MED27: variants seen among roughly 807,000 people sequenced by gnomAD.
The protein encoded by MED27 is mediator of RNA polymerase II transcription subunit 27.
In MED27, 30 loss-of-function variants were observed where a neutral mutation model predicts 38.2. That is an observed-to-expected ratio of 0.79 (90% CI 0.59 to 1.07). MED27 has a LOEUF of 1.07. Among genes scored for constraint, MED27 ranks in the 50% least tolerant of loss-of-function variants. The pLI, the probability that MED27 is intolerant of heterozygous loss-of-function variation, is 0.00. For synonymous variants in MED27, 122 were observed against 153.5 expected, an observed-to-expected ratio of 0.79 and a Z score of 1.52; for missense variants, 289 against 397.5, an observed-to-expected ratio of 0.73 and a Z score of 2.32.
At chr9:131,989,671 C>T (rs537915197) in intron 3 of MED27, among the ~76,000 whole-genome samples, 2 of 151,930 alleles carry the variant, frequency 1.3e-5, no homozygotes, top group African/African-American at 2.4e-5. Flanking sequence ...AATGTTCGAA[C>T]ATACCCAAGA....
At chr9:131,953,825 T>C (rs2130988501) in intron 3 of MED27, among the ~76,000 whole-genome samples, 1 of 151,236 alleles carries the variant, frequency 6.6e-6, no homozygotes, top group East Asian at 1.9e-4. Context: ...TATCTTTTTT[T>C]TTTTTTTTTG....
chr9:131,980,072 A>C (rs1358380234), intron 3 of MED27, among the ~76,000 whole-genome samples: 4 of 152,012 alleles, frequency 2.6e-5, no homozygotes, highest in Non-Finnish European at 5.9e-5. Context: ...GAAAATTGTT[A>C]TTTCTTGGGG....
intron 3 of MED27, among the ~76,000 whole-genome samples, chr9:131,978,893 T>C (rs4564007): frequency 0.58 from 87,678 of 152,120 alleles, 26,724 homozygotes; most frequent in Non-Finnish European, 0.67. Context: ...GAAAATTTCC[T>C]TGCTGTCTAT....
At chr9:132,039,132 G>A (rs547580171) in intron 2 of MED27, among the ~76,000 whole-genome samples, 5 of 152,326 alleles carry the variant, frequency 3.3e-5, no homozygotes, top group African/African-American at 1.2e-4. Context: ...GGAATAAAGA[G>A]TTAACGATTT....
intron 2 of MED27, among the ~76,000 whole-genome samples, chr9:132,061,209 A>G (rs756597478): frequency 2.0e-5 from 3 of 152,170 alleles, no homozygotes; most frequent in Non-Finnish European, 4.4e-5. Context: ...AAGTTCTCCA[A>G]ATGAAAAGTA....
intron 4 of MED27, among the ~76,000 whole-genome samples, chr9:131,922,789 T>C (rs1476249487): frequency 6.6e-6 from 1 of 152,154 alleles, no homozygotes; most frequent in Non-Finnish European, 1.5e-5. Context: ...AATTTTTGTA[T>C]GTTTAGTAGA....
intron 6 of MED27, among the ~76,000 whole-genome samples, chr9:131,865,147 G>A (rs777821015): frequency 3.9e-5 from 6 of 152,314 alleles, no homozygotes; most frequent in Middle Eastern, 3.4e-3. Flanking sequence ...TACATCAACG[G>A]TTCTTGTAGC....
intron 2 of MED27, among the ~76,000 whole-genome samples, chr9:132,064,309 G>A (rs112589393): frequency 0.021 from 3,214 of 152,232 alleles, 110 homozygotes; most frequent in African/African-American, 0.068. Context: ...TCTCATGCAC[G>A]GGCAAAATCG....
intron 2 of MED27, among the ~76,000 whole-genome samples, chr9:132,033,822 C>A (rs942362214): frequency 1.3e-5 from 2 of 152,244 alleles, no homozygotes; most frequent in African/African-American, 4.8e-5. Flanking sequence ...ACCTCCCTAA[C>A]ACAAGAATCC....
chr9:131,996,677 A>G (rs796247089), intron 3 of MED27, among the ~76,000 whole-genome samples: 7 of 152,324 alleles, frequency 4.6e-5, no homozygotes, highest in African/African-American at 1.7e-4. Flanking sequence ...CTTGAACAAC[A>G]TGAGTTTGAA....
chr9:131,938,401 C>A (rs1830720642), intron 4 of MED27, among the ~76,000 whole-genome samples: 1 of 152,206 alleles, frequency 6.6e-6, no homozygotes, highest in Non-Finnish European at 1.5e-5. Context: ...CCTCAAAAAT[C>A]TGTGTTCAGG....
At chr9:131,972,145 T>C (rs1421248218) in intron 3 of MED27, among the ~76,000 whole-genome samples, 4 of 152,250 alleles carry the variant, frequency 2.6e-5, no homozygotes, top group African/African-American at 7.2e-5. Context: ...TATGAGAGGT[T>C]TGAAGCAATG....
At chr9:131,908,986 TG>T (rs1365854923) in intron 4 of MED27, among the ~76,000 whole-genome samples, 1 of 152,142 alleles carries the variant, frequency 6.6e-6, no homozygotes, top group African/African-American at 2.4e-5. Context: ...GGAGTTGCTC[TG>T]GTTCAAATGC....
intron 3 of MED27, among the ~76,000 whole-genome samples, chr9:131,981,680 T>C (rs1224484629): frequency 6.6e-6 from 1 of 152,170 alleles, no homozygotes; most frequent in Admixed American, 6.5e-5. Flanking sequence ...TCAACACAAT[T>C]GCAGAGCAAA....
At chr9:131,965,714 G>T (rs539232559) in intron 3 of MED27, among the ~76,000 whole-genome samples, 69 of 152,088 alleles carry the variant, frequency 4.5e-4, no homozygotes, top group African/African-American at 1.4e-3. Context: ...AAAGTCCTGG[G>T]ATACCTTATG....
intron 4 of MED27, among the ~76,000 whole-genome samples, chr9:131,896,724 A>G (rs971573129): frequency 6.6e-6 from 1 of 151,852 alleles, no homozygotes; most frequent in Non-Finnish European, 1.5e-5. Flanking sequence ...CTATATATAT[A>G]TATTTTCTTT....
At chr9:131,967,585 G>A (rs977053159) in intron 3 of MED27, among the ~76,000 whole-genome samples, 7 of 151,546 alleles carry the variant, frequency 4.6e-5, no homozygotes, top group Non-Finnish European at 1.0e-4. Context: ...TCGGCCTCCC[G>A]GGTTCAAGCA....
chr9:131,881,800 C>CTTTTTTTTTTTTTTTTTTTTTT (rs61624043), intron 6 of MED27, among the ~76,000 whole-genome samples: 5 of 60,974 alleles, frequency 8.2e-5, no homozygotes, highest in Admixed American at 2.5e-4. Flanking sequence ...TCTTCTTCTT[C>CTTTTTTTTTTTTTTTTTTTTTT]TTTTTTTTTT....
At chr9:131,871,779 G>A (rs1838839610) in intron 6 of MED27, among the ~76,000 whole-genome samples, 1 of 152,176 alleles carries the variant, frequency 6.6e-6, no homozygotes, top group Non-Finnish European at 1.5e-5. Context: ...TGAACTCCTA[G>A]GCTCAAATGA....
Sources: allele counts gnomAD v4.1 joint callset (sites outside exome capture counted in the v4.1 genomes callset), GRCh38; gene constraint gnomAD v4.1.1; transcripts MANE v1.5; gene names NCBI Gene and HGNC (gene_info 2026-07-23, HGNC 2026-07-21).